The following TANC1 variants were observed in gnomAD, a reference collection of about 807,000 sequenced individuals.
The protein encoded by TANC1 is protein TANC1.
Under a neutral mutation model 149.7 loss-of-function variants are expected in TANC1, and 77 were observed. The ratio of observed to expected loss-of-function variants is 0.51; its 90% CI spans 0.43 to 0.62. The LOEUF (loss-of-function observed/expected upper bound fraction) is 0.62, where lower values mean the gene tolerates loss of function less well. TANC1 is among the 20% of genes least tolerant of loss of function. The probability of loss-of-function intolerance (pLI) is 0.00; values close to 1 mark genes in which losing one functional copy is unlikely to be tolerated. For missense variants in TANC1, 1,985 were observed against 2,321.8 expected, an observed-to-expected ratio of 0.85 and a Z score of 2.98; for synonymous variants, 854 against 925.0, an observed-to-expected ratio of 0.92 and a Z score of 1.39.
At chr2:159,163,178 C>T in intron 7 of TANC1, 105 bp from the exon 8 acceptor site, 1 of 1,152,168 alleles carries the variant, frequency 8.7e-7, no homozygotes, top group Non-Finnish European at 1.2e-6. Context: ...TCTGTGTGGA[C>T]TGGAAAACTT....
At chr2:159,149,685 G>A (rs961396066) in intron 6 of TANC1, 1 of 210,510 alleles carries the variant, frequency 4.8e-6, no homozygotes, top group Non-Finnish European at 9.6e-6. Context: ...AAGATTTATA[G>A]GAGATGAGGC....
At chr2:159,130,145 G>A (rs949064357) in intron 4 of TANC1, among the ~76,000 whole-genome samples, 6 of 152,112 alleles carry the variant, frequency 3.9e-5, no homozygotes, top group Non-Finnish European at 8.8e-5. Context: ...CGTTGTTGTT[G>A]TTGTTGTTTA....
In TANC1 at chr2:159,176,400, A is replaced by G; in HGVS notation, c.1784A>G (p.Asn595Ser). ...TACATTATTTTGATAGATGGCTTAAATGAAGCTGAGTTTCATAAACCTGAT... is the reference window on the plus strand; with the variant it reads ...TACATTATTTTGATAGATGGCTTAAGTGAAGCTGAGTTTCATAAACCTGAT... ...EEYIILIDGL[N>S]EAEFHKPDYG... The change falls in exon 13 of 27, where the codon AAT (asparagine) becomes AGT (serine). Residue 595 changes from asparagine to serine, a missense_variant. Physicochemically the swap from Asn to Ser is conservative, Grantham distance 46. Coordinates refer to ENST00000263635, the MANE Select transcript of TANC1 (RefSeq NM_033394.3). 6.4e-7 allele frequency: 1 copy of G among 1,574,048 alleles called. No homozygotes were observed.
At chr2:159,175,651 G>A (rs1202460668) in intron 12 of TANC1, among the ~76,000 whole-genome samples, 1 of 152,224 alleles carries the variant, frequency 6.6e-6, no homozygotes, top group African/African-American at 2.4e-5. Context: ...ACAAGGTAAT[G>A]GACATCAGTG....
chr2:159,059,521 A>G (rs905711684), intron 2 of TANC1, among the ~76,000 whole-genome samples: 4 of 145,000 alleles, frequency 2.8e-5, no homozygotes, highest in African/African-American at 1.1e-4. Context: ...AACCAAATAT[A>G]TAAAAAAAAA....
intron 4 of TANC1, among the ~76,000 whole-genome samples, chr2:159,128,092 C>T (rs1356581738): frequency 6.6e-6 from 1 of 152,192 alleles, no homozygotes; most frequent in East Asian, 1.9e-4. Flanking sequence ...GCAGGTGACA[C>T]ACTTTTTTGT....
rs757915552 is a variant in TANC1, at chr2:159,196,767, G to A, written c.3139G>A (p.Ala1047Thr). 1.2e-5 allele frequency: 19 copies of A among 1,612,336 alleles called. No homozygotes were observed. Among genetic ancestry groups the A allele is most frequent in the East Asian group, 2.2e-5 (1 of 44,864 alleles). Residue 1047 changes from alanine (A) to threonine (T), a missense_variant, in exon 18 of 27, where the codon GCG becomes ACG. Ala to Thr is a moderately conservative substitution (Grantham distance 58). This residue lies in a region of TANC1 where 508 missense variants were observed against 714.2 expected (regional missense o/e 0.71). Transcript: ENST00000263635. Reference protein sequence around the residue: ...KSHALQQALTAAASMGHSSVV... With the variant: ...KSHALQQALTTAASMGHSSVV... The stretch of plus-strand genomic sequence containing the variant: ...CCACGCCCTGCAGCAGGCGCTGACC[G>A]CGGCGGCCAGCATGGGCCACAGCTC...
rs1053831347 is a variant in TANC1 at position 159,077,608 on chromosome 2, TATG to T, written c.61+11643_61+11645del. On this transcript the variant is annotated intron_variant, in intron 3 of 26. Transcript: ENST00000263635. ...TAATACATCTTATTCTGTAAACTAC[TATG>T]ATGATTGCATTTTATACATTTTTTT... Among the ~76,000 whole-genome samples the T allele has an allele frequency of 2.9e-4, 44 of 152,248 alleles. 2 individuals are homozygous for T. Among genetic ancestry groups the T allele is most frequent in the Non-Finnish European group, 2.9e-5 (2 of 68,046 alleles).
intron 19 of TANC1, among the ~76,000 whole-genome samples, chr2:159,216,431 C>T (rs568224720): frequency 6.6e-5 from 10 of 152,356 alleles, no homozygotes; most frequent in South Asian, 4.1e-4. Context: ...TCCCTCGCCA[C>T]TCAGCCTTTT....
intron 1 of TANC1, among the ~76,000 whole-genome samples, chr2:158,987,944 G>A (rs2035194863): frequency 6.6e-6 from 1 of 152,132 alleles, no homozygotes; most frequent in Non-Finnish European, 1.5e-5. Context: ...AGGGTTGACC[G>A]TGTGCATTGC....
intron 4 of TANC1, among the ~76,000 whole-genome samples, chr2:159,109,437 T>C (rs569102901): frequency 6.6e-6 from 1 of 152,098 alleles, no homozygotes; most frequent in East Asian, 1.9e-4. Flanking sequence ...TGGGAGGTGA[T>C]TAAGTTTTGA....
intron 2 of TANC1, among the ~76,000 whole-genome samples, chr2:159,040,989 T>C (rs264609): frequency 0.22 from 33,350 of 152,196 alleles, 3,987 homozygotes; most frequent in South Asian, 0.46. Context: ...TTCCTTTCTG[T>C]TTTTTAGTTT....
chr2:159,146,449 G>A (rs1408760201), intron 5 of TANC1, among the ~76,000 whole-genome samples: 3 of 152,060 alleles, frequency 2.0e-5, no homozygotes, highest in Admixed American at 2.0e-4. Context: ...TCCCAACCCC[G>A]GGTAAGGGTT....
intron 5 of TANC1, among the ~76,000 whole-genome samples, chr2:159,144,726 A>G (rs2051866938): frequency 1.3e-5 from 2 of 152,034 alleles, no homozygotes; most frequent in South Asian, 2.1e-4. Context: ...TGTTTTTGGA[A>G]CTCTAAGGAG....
intron 2 of TANC1, among the ~76,000 whole-genome samples, chr2:159,044,069 G>A (rs2040858643): frequency 1.3e-5 from 2 of 152,138 alleles, no homozygotes; most frequent in Non-Finnish European, 1.5e-5. Flanking sequence ...GTGGCTTTAG[G>A]AACTTGGGGA....
intron 25 of TANC1, 124 bp downstream of exon 25, chr2:159,228,089 A>G: frequency 9.5e-7 from 1 of 1,054,216 alleles, no homozygotes; most frequent in Non-Finnish European, 1.4e-6. Flanking sequence ...GCACATTTAC[A>G]TGAACCTGGC....
Position 159,181,268 on chromosome 2 carries a change from A to G in TANC1, c.2510+2105A>G, listed in dbSNP as rs188005232. Among the ~76,000 whole-genome samples, 117 of 150,096 alleles carry G rather than the reference A, an allele frequency of 7.8e-4. 1 individual carries two copies. Among genetic ancestry groups the G allele is most frequent in the African/African-American group, 2.7e-3 (111 of 40,946 alleles). On this transcript the variant is annotated intron_variant, in intron 14 of 26. Transcript: ENST00000263635. The stretch of plus-strand genomic sequence containing the variant: ...CAAAACTCCTAGGAGGCAAATTATT[A>G]TGTACTTCACTATACCCTCATTGGA...
intron 3 of TANC1, among the ~76,000 whole-genome samples, chr2:159,074,079 AG>A (rs1224124308): frequency 6.6e-6 from 1 of 152,232 alleles, no homozygotes; most frequent in Admixed American, 6.5e-5. Context: ...ATCCAGAATC[AG>A]AGTTAGAACG....
At chr2:159,133,631 G>A (rs1265922686) in intron 4 of TANC1, among the ~76,000 whole-genome samples, 6 of 147,598 alleles carry the variant, frequency 4.1e-5, no homozygotes, top group Admixed American at 7.0e-5. Context: ...TTTTCCCTAC[G>A]CATATTTATG....
Sources: allele counts gnomAD v4.1 joint callset (sites outside exome capture counted in the v4.1 genomes callset), GRCh38; gene constraint gnomAD v4.1.1; regional missense constraint gnomAD v4.1.1; transcripts MANE v1.5; gene names NCBI Gene and HGNC (gene_info 2026-07-23, HGNC 2026-07-21).